Variants in COL5A3 observed in about 807,000 individuals in gnomAD.
COL5A3 encodes the protein collagen type V alpha 3 chain, also known as collagen alpha-3(V) chain.
COL5A3 carries 172 observed loss-of-function variants against 250.0 expected under a neutral mutation model. The ratio of observed to expected loss-of-function variants is 0.69; its 90% CI spans 0.61 to 0.78. COL5A3 has a LOEUF of 0.78. COL5A3 is among the 30% of genes least tolerant of loss of function. The pLI is 0.00. For synonymous variants in COL5A3, 937 were observed against 900.4 expected (o/e 1.04, Z -0.73); for missense variants, 2,340 against 2,334.4 (o/e 1.00, Z -0.05).
chr19:10,002,796 C>A (rs1039319644), intron 6 of COL5A3, among the ~76,000 whole-genome samples: 1 of 152,110 alleles, frequency 6.6e-6, no homozygotes. Flanking sequence ...CCATCAATGA[C>A]TTCCTAACTA....
At chr19:9,995,648 G>A (rs767504776) in intron 15 of COL5A3, 31 bp from the exon 16 acceptor site, 2 of 1,512,178 alleles carry the variant, frequency 1.3e-6, no homozygotes, top group African/African-American at 2.8e-5. Flanking sequence ...GGAAGGAAAG[G>A]AAAATAAGAA....
At chr19:9,993,303 A>C in intron 19 of COL5A3, 77 bp downstream of exon 19, 1 of 1,520,516 alleles carries the variant, frequency 6.6e-7, no homozygotes, top group Non-Finnish European at 9.1e-7. Flanking sequence ...TGAGACCTCC[A>C]GATCTTCCTC....
chr19:10,004,196 CT>C, intron 4 of COL5A3, 51 bp from the exon 5 acceptor site: 1 of 1,382,802 alleles, frequency 7.2e-7, no homozygotes, highest in Non-Finnish European at 1.0e-6. Context: ...CAGCCATAGG[CT>C]TACTCTGACC....
Position 9,984,439 on chromosome 19 carries a change from T to C in COL5A3, c.2406+1403A>G, listed in dbSNP as rs140698631. On this transcript the variant is annotated intron_variant, in intron 31 of 66. Coordinates refer to ENST00000264828, the MANE Select transcript of COL5A3 (RefSeq NM_015719.4). Reference sequence around the variant, plus strand: ...ATCAGTGTCCTCACCCATCAAAACATTGGCAAACAAATGTTATGTTTTCAT... The same window carrying C: ...ATCAGTGTCCTCACCCATCAAAACACTGGCAAACAAATGTTATGTTTTCAT... 5.5e-4 allele frequency among the ~76,000 whole-genome samples: 84 copies of C among 152,290 alleles called. No homozygotes were observed. The East Asian group carries it at 0.015, about 27-fold the overall frequency.
chr19:9,976,502 C>T, intron 45 of COL5A3, 56 bp downstream of exon 45: 1 of 1,375,352 alleles, frequency 7.3e-7, no homozygotes, highest in Admixed American at 2.5e-5. Context: ...TCGTTTGCTC[C>T]CACTATCCCT....
At chr19:9,972,572 T>C (rs2086867269) in intron 51 of COL5A3, among the ~76,000 whole-genome samples, 1 of 152,192 alleles carries the variant, frequency 6.6e-6, no homozygotes, top group African/African-American at 2.4e-5. Context: ...GCGCGGTGGC[T>C]CATGCCTGTA....
At chr19:9,980,106 G>T in intron 35 of COL5A3, 59 bp from the exon 36 acceptor site, 1 of 1,479,076 alleles carries the variant, frequency 6.8e-7, no homozygotes, top group Non-Finnish European at 9.1e-7. Context: ...CACTCCCTGA[G>T]CCCCACATAA....
intron 54 of COL5A3, among the ~76,000 whole-genome samples, 185 bp downstream of exon 54, chr19:9,970,419 GCTGTAAGGTGAGTGGGGT>G (rs2086823450): frequency 1.7e-4 from 7 of 40,456 alleles, no homozygotes; most frequent in South Asian, 8.2e-4. Flanking sequence ...GTGAGTGGGG[GCTGTAAGGTGAGTGGGGT>G]CTGTGGGTGA....
In COL5A3 at chr19:9,968,751, T is replaced by G. The variant is rs1235882340; in HGVS notation, c.4153-23A>C. 1 of 1,602,324 alleles carries G rather than the reference T, an allele frequency of 6.2e-7. No individual in the cohort carries two copies. The highest frequency in any genetic ancestry group is 1.3e-5 in the African/African-American group (1 of 74,582). On this transcript the variant is annotated intron_variant, in intron 57 of 66. Transcript: ENST00000264828. This position sits in a 1 kb window ranked among gnomAD's most constrained non-coding sequence, Gnocchi z 4.1. ...CCCCTGGGAGAAGAGCAAGGGTCAG[T>G]TAGGGATTCTCAAATGTGAACTCGA...
At chr19:9,981,249 C>T (rs2145095733) in intron 32 of COL5A3, 117 bp from the exon 33 acceptor site, 1 of 884,214 alleles carries the variant, frequency 1.1e-6, no homozygotes, top group African/African-American at 1.6e-5. Flanking sequence ...TATTTATTCA[C>T]AAGCTTTTCA....
chr19:10,005,701 C>T lies in COL5A3; in HGVS notation c.451G>A (p.Ala151Thr), dbSNP rs751052195. The change falls in exon 4 of 67, where the codon GCC becomes ACC. Residue 151 changes from alanine (A) to threonine (T), a missense_variant. By Grantham distance (58) the Ala-to-Thr change is moderately conservative. This residue lies in a region of COL5A3 where 1,152 missense variants were observed against 1,146.3 expected (regional missense o/e 1.00). Coordinates refer to ENST00000264828, the MANE Select transcript of COL5A3 (RefSeq NM_015719.4). ...ACCATCTCACCATCTATGCTGACGG[C>T]CACACGGTGCCACCTGCAAGGGGAC... is the stretch of plus-strand genomic sequence containing the variant. ...NLTDGRWHRV[A>T]VSIDGEMVTL... 6.2e-7 allele frequency: 1 copy of T among 1,607,442 alleles called. No homozygotes were observed. Among genetic ancestry groups the T allele is most frequent in the South Asian group, 1.1e-5 (1 of 90,600 alleles).
rs144857481 is a variant in COL5A3, at chr19:9,997,224, T to C, written c.1263+147A>G. The C allele has an allele frequency of 3.5e-4, 248 of 699,994 alleles. No individual in the cohort carries two copies. The African/African-American group carries it at 3.8e-3, about 11-fold the overall frequency. 43.4% of individuals were successfully genotyped at this position (699,994 alleles called of 1,614,324 possible). ...GTGAACCAGAGAAATAGTTCACAGA[T>C]GGGAGACAGAGAACAGAAGAGGTCA... On this transcript the variant is annotated intron_variant, in intron 11 of 66. Transcript: ENST00000264828.
intron 6 of COL5A3, among the ~76,000 whole-genome samples, chr19:10,002,224 G>C (rs1168635732): frequency 6.6e-6 from 1 of 151,690 alleles, no homozygotes; most frequent in East Asian, 1.9e-4. Context: ...CAGAGAGGGA[G>C]TGGCGGCTCC....
chr19:9,983,697 GAA>G (rs2087053312), intron 31 of COL5A3, among the ~76,000 whole-genome samples: 2 of 147,886 alleles, frequency 1.4e-5, no homozygotes, highest in Non-Finnish European at 3.0e-5. Flanking sequence ...AAGAAGGAAA[GAA>G]AGAGAAAAAA....
intron 27 of COL5A3, among the ~76,000 whole-genome samples, chr19:9,988,855 A>AAAGAGAGAGAGAAAG (rs1555738987): frequency 9.5e-6 from 1 of 104,740 alleles, no homozygotes; most frequent in African/African-American, 4.5e-5. Context: ...AAAAAAAAAA[A>AAAGAGAGAGAGAAAG]AAAGAAAGTA....
At chr19:10,007,698 C>CG (rs984339128) in intron 1 of COL5A3, among the ~76,000 whole-genome samples, 13 of 152,186 alleles carry the variant, frequency 8.5e-5, no homozygotes, top group African/African-American at 2.9e-4. Flanking sequence ...GGAGCTGGGG[C>CG]GGGGGGGCTA....
chr19:9,968,699 T>C lies in COL5A3; in HGVS notation c.4182A>G (p.Gly1394=), dbSNP rs2086789591. The change falls in exon 58 of 67, where the codon GGA becomes GGG. Residue 1394 remains glycine, a synonymous_variant. Coordinates refer to ENST00000264828, the MANE Select transcript of COL5A3 (RefSeq NM_015719.4). The surrounding 1 kb of genome is among the most constrained non-coding windows in gnomAD (Gnocchi z 4.1). ...CCTTTTCCCCCTTGGGGCCAGTGTC[T>C]CCCTTCAGCCCTGGGAGGCCAGAGG... The part of the protein sequence containing the change: ...LGPSGLPGLK[G]DTGPKGEKGH... The C allele has an allele frequency of 6.2e-7, 1 of 1,605,694 alleles. No individual in the cohort carries two copies. The highest frequency in any genetic ancestry group is 8.5e-7 in the Non-Finnish European group (1 of 1,177,418).
In COL5A3 at chr19:9,996,668, T is replaced by A. The variant is rs377679782; in HGVS notation, c.1285A>T (p.Ile429Phe). The A allele has an allele frequency of 1.6e-4, 252 of 1,607,272 alleles. No individual in the cohort carries two copies. Among genetic ancestry groups the A allele is most frequent in the Non-Finnish European group, 1.9e-4 (224 of 1,178,302 alleles). The change falls in exon 12 of 67, where the codon ATC becomes TTC. Residue 429 changes from isoleucine to phenylalanine, a missense_variant. Physicochemically the swap from Ile to Phe is conservative, Grantham distance 21. Coordinates refer to ENST00000264828, the MANE Select transcript of COL5A3 (RefSeq NM_015719.4). ...GPPGPAGLPG[I>F]PGIDGIRGPP... Reference sequence around the variant, plus strand: ...CCTCGGATCCCATCAATGCCGGGGATTCCTGGGAGGCCAGCAGGGCCCTGA... The same window carrying A: ...CCTCGGATCCCATCAATGCCGGGGAATCCTGGGAGGCCAGCAGGGCCCTGA...
rs781621613 is a variant in COL5A3, at chr19:10,004,106, C to A, written c.634G>T (p.Ala212Ser). 13 of 1,614,040 alleles carry A rather than the reference C, an allele frequency of 8.1e-6. No individual in the cohort carries two copies. The highest frequency in any genetic ancestry group is 1.1e-5 in the Non-Finnish European group (13 of 1,179,974). ...QELLISPDPQ[A>S]AFQACERYLP... is the part of the protein sequence containing the mutation. ...TACCGCTCACAAGCCTGGAAGGCAG[C>A]CTGAGGATCTGGGCTTATCAGCAGC... The change falls in exon 5 of 67, where the codon GCT (alanine) becomes TCT (serine). Residue 212 changes from alanine to serine, a missense_variant. Transcript: ENST00000264828.
Sources: gnomAD v4.1 joint callset for allele counts (sites outside exome capture counted in the v4.1 genomes callset) on GRCh38, gnomAD v4.1.1 for gene constraint, gnomAD v4.1.1 regional missense constraint, Gnocchi (gnomAD v3.1) non-coding constraint, MANE v1.5 for transcripts, NCBI Gene and HGNC (gene_info 2026-07-23, HGNC 2026-07-21) for gene names.